Variants in ADGRE2 observed in about 807,000 individuals in gnomAD.
ADGRE2 encodes the protein adhesion G protein-coupled receptor E2, also known as CD97 antigen.
In ADGRE2, 83 loss-of-function variants were observed where a neutral mutation model predicts 100.8. That is an observed-to-expected ratio of 0.82 (90% CI 0.69 to 0.99). The LOEUF (loss-of-function observed/expected upper bound fraction) is 0.99, where lower values mean the gene tolerates loss of function less well. Among genes scored for constraint, ADGRE2 ranks in the 50% least tolerant of loss-of-function variants. ADGRE2 has a pLI of 0.00. For missense variants in ADGRE2, 814 were observed against 1,035.7 expected (o/e 0.79, Z 2.94); for synonymous variants, 355 against 413.0 (o/e 0.86, Z 1.70).
Position 14,732,881 on chromosome 19 carries a change from T to G in ADGRE2, c.*3355A>C, listed in dbSNP as rs896178324. On this transcript the variant is annotated 3_prime_UTR_variant, in exon 21 of 21. Transcript: ENST00000315576. ...CTGTTTTCATACCACAGTGGTAGAA[T>G]TGAGTTGCTGTAAATACCTGGCTCA... The G allele has an allele frequency of 6.6e-6, 1 of 152,230 alleles. No homozygotes were observed. The highest frequency in any genetic ancestry group is 1.5e-5 in the Non-Finnish European group (1 of 68,050). The allele number at this position is 152,230 out of a possible 1,614,324, so 9.4% of individuals were successfully genotyped here. A position where few individuals can be genotyped will look rare whatever the true frequency, so the allele number is the denominator to read the frequency against.
chr19:14,765,220 G>T, intron 10 of ADGRE2, 100 bp downstream of exon 10: 2 of 1,240,356 alleles, frequency 1.6e-6, no homozygotes, highest in Non-Finnish European at 2.4e-6. Flanking sequence ...AGCACCCACT[G>T]CATTGGGTCC....
chr19:14,772,321 A>G (rs754334426), intron 5 of ADGRE2, 21 bp downstream of exon 5: 1 of 1,613,908 alleles, frequency 6.2e-7, no homozygotes, highest in Admixed American at 1.7e-5. Flanking sequence ...GTGGTGATGG[A>G]GGATGTGGGG....
intron 5 of ADGRE2, chr19:14,769,020 G>GGATACTGC (rs2044094862): frequency 6.6e-6 from 1 of 152,248 alleles, no homozygotes; most frequent in Non-Finnish European, 1.5e-5. Context: ...CAGAGAGAAT[G>GGATACTGC]GATACTGCGC....
At chr19:14,730,751 G>T (rs769485247), downstream of ADGRE2, among the ~76,000 whole-genome samples, 1 of 151,744 alleles carries the variant, frequency 6.6e-6, no homozygotes, top group Admixed American at 6.6e-5. Flanking sequence ...GGGTACAAAT[G>T]AATCCAGTTA....
chr19:14,772,261 C>T, intron 5 of ADGRE2, 81 bp downstream of exon 5: 1 of 1,584,392 alleles, frequency 6.3e-7, no homozygotes, highest in Non-Finnish European at 8.7e-7. Flanking sequence ...TGGGTACCTG[C>T]TCCCTGGATG....
intron 5 of ADGRE2, among the ~76,000 whole-genome samples, chr19:14,771,399 T>G (rs977202525): frequency 6.6e-6 from 1 of 152,134 alleles, no homozygotes; most frequent in African/African-American, 2.4e-5. Flanking sequence ...TGCAGATGTC[T>G]GAAGCTCCCT....
intron 15 of ADGRE2, among the ~76,000 whole-genome samples, chr19:14,751,931 ATTT>A (rs199828270): frequency 0.029 from 3,831 of 132,086 alleles, 45 homozygotes; most frequent in Non-Finnish European, 0.039. Context: ...ATATATATAT[ATTT>A]TTTTTTTTTT....
rs368205522 is a variant in ADGRE2, at chr19:14,759,503, A to ATTT, written c.1085-3161_1085-3159dup. 8.0e-3 allele frequency among the ~76,000 whole-genome samples: 1,066 copies of ATTT among 133,362 alleles called. 16 individuals are homozygous for ATTT. Among genetic ancestry groups the ATTT allele is most frequent in the African/African-American group, 0.027 (925 of 33,666 alleles). The allele number at this position is 133,362 out of a possible 152,430, so 87.5% of individuals were successfully genotyped here. A position where few individuals can be genotyped will look rare whatever the true frequency, so the allele number is the denominator to read the frequency against. On this transcript the variant is annotated intron_variant, in intron 11 of 20. Coordinates refer to ENST00000315576, the MANE Select transcript of ADGRE2 (RefSeq NM_013447.4). Reference sequence around the variant, plus strand: ...ATAAGTTATACATATATATATATATATTTTTTTTTTTTAGACGGAGTCTCA... The same window carrying ATTT: ...ATAAGTTATACATATATATATATATATTTTTTTTTTTTTTTAGACGGAGTCTCA...
At chr19:14,727,356 T>A in the ADGRE2 span, among the ~76,000 whole-genome samples, 1 of 152,188 alleles carries the variant, frequency 6.6e-6, no homozygotes, top group Non-Finnish European at 1.5e-5. Flanking sequence ...TGGCTCACTG[T>A]TTTGCAGGCT....
At chr19:14,737,833 T>C (rs2524376) in intron 20 of ADGRE2, among the ~76,000 whole-genome samples, 25,766 of 151,640 alleles carry the variant, frequency 0.17, 2,440 homozygotes, top group East Asian at 0.24. Context: ...ATCAATTAGC[T>C]GGGCTTGGTG....
intron 20 of ADGRE2, chr19:14,741,980 A>T (rs1208588717): frequency 2.5e-6 from 1 of 398,454 alleles, no homozygotes; most frequent in African/African-American, 2.1e-5. Flanking sequence ...ATTGAGGCAT[A>T]GGATAATATG....
At chr19:14,772,827 C>A (rs1475242706) in intron 4 of ADGRE2, among the ~76,000 whole-genome samples, 1 of 151,542 alleles carries the variant, frequency 6.6e-6, no homozygotes, top group Non-Finnish European at 1.5e-5. Flanking sequence ...TACCTGTAAT[C>A]CCAGCACTTT....
rs368475089 is a variant in ADGRE2, at chr19:14,773,407, CTTTTT to C, written c.199+526_199+530del. Among the ~76,000 whole-genome samples, 152 of 111,554 alleles carry C rather than the reference CTTTTT, an allele frequency of 1.4e-3. 1 individual carries two copies. The highest frequency in any genetic ancestry group is 4.5e-3 in the African/African-American group (140 of 30,840). The allele number at this position is 111,554 out of a possible 152,430, so 73.2% of individuals were successfully genotyped here. A position where few individuals can be genotyped will look rare whatever the true frequency, so the allele number is the denominator to read the frequency against. ...TCTTTCTCTCCTTCTCTCTTTCTGTCTTTTTTTTTTTTTTTTGAGATGGGGTCTTG... is the reference window on the plus strand; with the variant it reads ...TCTTTCTCTCCTTCTCTCTTTCTGTCTTTTTTTTTTTGAGATGGGGTCTTG... On this transcript the variant is annotated intron_variant, in intron 4 of 20. Transcript: ENST00000315576.
chr19:14,778,026 A>G (rs898216753), intron 1 of ADGRE2, among the ~76,000 whole-genome samples: 3 of 152,196 alleles, frequency 2.0e-5, no homozygotes, highest in Non-Finnish European at 2.9e-5. Context: ...GGGATCGCTG[A>G]GTCAAATGGT....
In ADGRE2 at chr19:14,746,969, A is replaced by G; in HGVS notation, c.2025-7T>C. The G allele has an allele frequency of 6.3e-7, 1 of 1,597,626 alleles. No homozygotes were observed. The highest frequency in any genetic ancestry group is 8.5e-7 in the Non-Finnish European group (1 of 1,170,884). On this transcript the variant is annotated splice_polypyrimidine_tract_variant and splice_region_variant and intron_variant, in intron 16 of 20. Coordinates refer to ENST00000315576, the MANE Select transcript of ADGRE2 (RefSeq NM_013447.4). ...TTCTGGTTGGAGCCAGCAGCTGAAA[A>G]AAGAGAGATTAAAAAAAATGCATCA...
chr19:14,743,671 A>G lies in ADGRE2; in HGVS notation c.2297T>C (p.Ile766Thr). The G allele has an allele frequency of 6.2e-7, 1 of 1,614,136 alleles. No homozygotes were observed. ...ARVMAYLFTI[I>T]NSLQGVFIFL... ...GATGAAGACACCCTGCAGGCTGTTGATGATGGTGAAGAGGTAGGCCATGAC... is the reference window on the plus strand; with the variant it reads ...GATGAAGACACCCTGCAGGCTGTTGGTGATGGTGAAGAGGTAGGCCATGAC... The change falls in exon 19 of 21, where the codon ATC (isoleucine) becomes ACC (threonine). Residue 766 changes from isoleucine to threonine, a missense_variant. Coordinates refer to ENST00000315576, the MANE Select transcript of ADGRE2 (RefSeq NM_013447.4).
At chr19:14,745,207 G>A (rs1408993880) in intron 18 of ADGRE2, among the ~76,000 whole-genome samples, 3 of 152,134 alleles carry the variant, frequency 2.0e-5, no homozygotes, top group South Asian at 2.1e-4. Flanking sequence ...ACCATGCCCG[G>A]CCTTCTTTGT....
At chr19:14,757,197 C>T (rs1337896814) in intron 11 of ADGRE2, among the ~76,000 whole-genome samples, 1 of 152,144 alleles carries the variant, frequency 6.6e-6, no homozygotes, top group Non-Finnish European at 1.5e-5. Context: ...TGCTTCTGGC[C>T]TACAAAAGTG....
intron 11 of ADGRE2, among the ~76,000 whole-genome samples, chr19:14,761,208 C>A (rs1025850263): frequency 3.9e-5 from 6 of 152,202 alleles, no homozygotes; most frequent in Non-Finnish European, 8.8e-5. Flanking sequence ...TCAAGACCAT[C>A]CTGGTTAACA....
Sources: allele counts gnomAD v4.1 joint callset (sites outside exome capture counted in the v4.1 genomes callset), GRCh38; gene constraint gnomAD v4.1.1; transcripts MANE v1.5; gene names NCBI Gene and HGNC (gene_info 2026-07-23, HGNC 2026-07-21).